Variants in MYO16 observed in about 807,000 individuals in gnomAD.
MYO16 encodes the protein unconventional myosin-XVI.
Under a neutral mutation model 205.3 loss-of-function variants are expected in MYO16, and 94 were observed. That is an observed-to-expected ratio of 0.46 (90% CI 0.39 to 0.54). MYO16 has a LOEUF of 0.54. Among genes scored for constraint, MYO16 ranks in the 20% least tolerant of loss-of-function variants. The pLI, the probability that MYO16 is intolerant of heterozygous loss-of-function variation, is 0.00. For missense variants in MYO16, 2,315 were observed against 2,387.5 expected, an observed-to-expected ratio of 0.97 and a Z score of 0.63; for synonymous variants, 988 against 954.0, an observed-to-expected ratio of 1.04 and a Z score of -0.66.
chr13:109,193,757 C>T (rs1040500909), intron 34 of MYO16, among the ~76,000 whole-genome samples: 1 of 152,090 alleles, frequency 6.6e-6, no homozygotes, highest in African/African-American at 2.4e-5. Context: ...ATTCCTAGGC[C>T]TTACCTCCTT....
At chr13:108,747,775 G>A (rs991382676) in intron 4 of MYO16, among the ~76,000 whole-genome samples, 11 of 151,978 alleles carry the variant, frequency 7.2e-5, no homozygotes, top group Admixed American at 2.6e-4. Flanking sequence ...ACTCTAGGTC[G>A]TCTACTTGAA....
At chr13:108,551,279 C>A in the MYO16 span, among the ~76,000 whole-genome samples, 1 of 152,158 alleles carries the variant, frequency 6.6e-6, no homozygotes, top group East Asian at 1.9e-4. Context: ...TCAGATGTAT[C>A]CACACAGCTG....
At position 108,696,028 on chromosome 13, in the gene MYO16, T is replaced by A. The variant is rs572250755; in HGVS notation, c.293-16633T>A. ...ATGTTAAAGACACAGAGTGGTTTTT[T>A]CAATTGTTTGAATTTAAAAAATAAG... is the stretch of plus-strand genomic sequence containing the variant. On this transcript the variant is annotated intron_variant, in intron 2 of 34. Transcript: ENST00000457511. Among the ~76,000 whole-genome samples the A allele has an allele frequency of 3.3e-5, 5 of 152,342 alleles. No homozygotes were observed. The South Asian group carries it at 1.0e-3, about 32-fold the overall frequency.
rs571434022 is a variant in MYO16, at chr13:108,891,075, T to C, written c.1659+2598T>C. ...TTTCTATGTGGGGAATAAATGAATATACTAAAATAAGTATCGTGACCGTAT... is the reference window on the plus strand; with the variant it reads ...TTTCTATGTGGGGAATAAATGAATACACTAAAATAAGTATCGTGACCGTAT... On this transcript the variant is annotated intron_variant, in intron 14 of 34. Transcript: ENST00000457511. Among the ~76,000 whole-genome samples the C allele has an allele frequency of 3.2e-4, 48 of 152,328 alleles. 1 individual carries two copies. The highest frequency in any genetic ancestry group is 1.1e-3 in the African/African-American group (47 of 41,586).
chr13:109,123,257 G>A (rs1566517790), intron 29 of MYO16, among the ~76,000 whole-genome samples: 1 of 152,202 alleles, frequency 6.6e-6, no homozygotes. Context: ...GGGATGAAGT[G>A]TGAGAAAATG....
At chr13:108,827,133 G>A (rs1876316127) in intron 9 of MYO16, among the ~76,000 whole-genome samples, 2 of 152,032 alleles carry the variant, frequency 1.3e-5, no homozygotes, top group South Asian at 4.1e-4. Context: ...AAAAAAGGGG[G>A]AACAACTGTC....
chr13:108,591,640 G>GA (rs923446644), upstream of MYO16, among the ~76,000 whole-genome samples: 12 of 151,154 alleles, frequency 7.9e-5, no homozygotes, highest in East Asian at 1.9e-4. Context: ...ATGTGCTTTA[G>GA]AAAAAAAAAG....
intron 28 of MYO16, among the ~76,000 whole-genome samples, chr13:109,116,058 A>G (rs1340944487): frequency 1.3e-5 from 2 of 152,248 alleles, no homozygotes; most frequent in African/African-American, 2.4e-5. Context: ...CCCACAAATA[A>G]ATTATATAGT....
intron 2 of MYO16, among the ~76,000 whole-genome samples, chr13:108,695,583 T>C (rs1052345821): frequency 1.3e-5 from 2 of 152,112 alleles, no homozygotes; most frequent in East Asian, 3.9e-4. Context: ...GGGATTTCGA[T>C]AGGGTGGATC....
Position 109,206,663 on chromosome 13 carries a change from T to C in MYO16, c.5470T>C (p.Leu1824=). The C allele has an allele frequency of 1.2e-6, 2 of 1,614,148 alleles. No homozygotes were observed. Among genetic ancestry groups the C allele is most frequent in the South Asian group, 1.1e-5 (1 of 91,084 alleles). The change falls in exon 35 of 35, where the codon TTG becomes CTG. Residue 1824 remains leucine (L), a synonymous_variant. Coordinates refer to ENST00000457511, the MANE Select transcript of MYO16 (RefSeq NM_001198950.3). ...ENESVALQEL[L]DWRRKLCEEG... is the part of the protein sequence containing the mutation. ...TGAAAGTGTGGCCCTGCAGGAACTC[T>C]TGGACTGGAGGAGAAAGCTCTGTGA...
At chr13:108,588,397 A>T in the MYO16 span, among the ~76,000 whole-genome samples, 3 of 152,206 alleles carry the variant, frequency 2.0e-5, no homozygotes, top group Non-Finnish European at 2.9e-5. Flanking sequence ...AGAGGGTAGT[A>T]TGGAAAGTGG....
rs547979017 is a variant in MYO16 at position 108,869,712 on chromosome 13, C to T, written c.1425+3470C>T. Among the ~76,000 whole-genome samples, 3 of 114,998 alleles carry T rather than the reference C, an allele frequency of 2.6e-5. No homozygotes were observed. The South Asian group carries it at 8.1e-4, about 31-fold the overall frequency. 75.4% of individuals were successfully genotyped at this position (114,998 alleles called of 152,430 possible). A position where few individuals can be genotyped will look rare whatever the true frequency, so the allele number is the denominator to read the frequency against. On this transcript the variant is annotated intron_variant, in intron 12 of 34. Transcript: ENST00000457511. ...TGCCACTGCACTCCAGCCTGGGCGACAGAGCGAGACTCCGTTTCTAAAAAA... is the reference window on the plus strand; with the variant it reads ...TGCCACTGCACTCCAGCCTGGGCGATAGAGCGAGACTCCGTTTCTAAAAAA...
intron 4 of MYO16, among the ~76,000 whole-genome samples, chr13:108,769,003 TG>T (rs1885871373): frequency 6.6e-6 from 1 of 152,180 alleles, no homozygotes; most frequent in Non-Finnish European, 1.5e-5. Context: ...AATATAAATA[TG>T]TTAGTTAATA....
intron 13 of MYO16, among the ~76,000 whole-genome samples, chr13:108,886,003 T>C (rs575714133): frequency 5.1e-4 from 78 of 152,198 alleles, no homozygotes; most frequent in Non-Finnish European, 9.4e-4. Flanking sequence ...TTTTTTGATA[T>C]GGAGTCTTGA....
chr13:108,908,848 C>T (rs534939131), intron 15 of MYO16, among the ~76,000 whole-genome samples: 1 of 151,866 alleles, frequency 6.6e-6, no homozygotes, highest in African/African-American at 2.4e-5. Context: ...TGACACACAC[C>T]TGTGGTCCCA....
chr13:109,183,533 A>T (rs1879547649), intron 34 of MYO16, among the ~76,000 whole-genome samples: 1 of 152,234 alleles, frequency 6.6e-6, no homozygotes, highest in Non-Finnish European at 1.5e-5. Flanking sequence ...TTCATTAAGC[A>T]TAGGCTATCT....
the MYO16 span, among the ~76,000 whole-genome samples, chr13:108,591,120 TAGA>T: frequency 9.9e-5 from 15 of 152,202 alleles, no homozygotes; most frequent in East Asian, 1.5e-3. Context: ...CTTGCATCCT[TAGA>T]AGAAGTCCCA....
chr13:109,077,490 A>G (rs1888146658), intron 27 of MYO16, among the ~76,000 whole-genome samples: 1 of 152,192 alleles, frequency 6.6e-6, no homozygotes, highest in African/African-American at 2.4e-5. Context: ...TTGACACATT[A>G]TTATCACACA....
Position 108,666,075 on chromosome 13 carries a change from C to A in MYO16, c.218C>A (p.Ala73Glu), listed in dbSNP as rs777985504. 4.3e-6 allele frequency: 7 copies of A among 1,613,984 alleles called. 1 individual carries two copies. The highest frequency in any genetic ancestry group is 3.3e-4 in the Middle Eastern group (2 of 6,062). The change falls in exon 2 of 35, where the codon GCG becomes GAG. Residue 73 changes from alanine (A) to glutamate (E), a missense_variant. Physicochemically the swap from Ala to Glu is moderately radical, Grantham distance 107. Coordinates refer to ENST00000457511, the MANE Select transcript of MYO16 (RefSeq NM_001198950.3). Reference protein sequence around the residue: ...QEGFLKRLKHAKNPKVHFNLT... With the variant: ...QEGFLKRLKHEKNPKVHFNLT... ...GGGTTCCTGAAAAGGCTGAAGCATG[C>A]GAAGAATCCGAAAGTTCACTTCAAC...
Sources: gnomAD v4.1 joint callset for allele counts (sites outside exome capture counted in the v4.1 genomes callset) on GRCh38, gnomAD v4.1.1 for gene constraint, MANE v1.5 for transcripts, NCBI Gene and HGNC (gene_info 2026-07-23, HGNC 2026-07-21) for gene names.